POU4F1: variants seen among roughly 807,000 people sequenced by gnomAD.
POU4F1 encodes the protein POU class 4 homeobox 1.
A neutral mutation model predicts 19.8 loss-of-function variants in POU4F1; 5 were observed. The observed-to-expected ratio is 0.25, with a 90% CI of 0.13 to 0.53. The LOEUF (loss-of-function observed/expected upper bound fraction) is 0.53. Ranked by LOEUF, POU4F1 falls within the 20% of genes least tolerant of loss-of-function variation. The pLI, the probability that POU4F1 is intolerant of heterozygous loss-of-function variation, is 0.96. For missense variants in POU4F1, 408 were observed against 511.6 expected (o/e 0.80, Z 1.95); for synonymous variants, 266 against 247.7 (o/e 1.07, Z -0.69).
chr13:78,603,513 C>T lies in POU4F1; in HGVS notation c.-187G>A, dbSNP rs145962700. On this transcript the variant is annotated 5_prime_UTR_variant, in exon 1 of 2. Transcript: ENST00000377208. ...GCGCTCCCTCTGACCGCGCAGAGCG[C>T]CGCGCGCCGGCCTCGCGGTCCCGCT... The T allele has an allele frequency of 0.027, 26,250 of 965,682 alleles. 551 individuals carry two copies. Among genetic ancestry groups the T allele is most frequent in the Non-Finnish European group, 0.031 (23,944 of 768,010 alleles). The allele number at this position is 965,682 out of a possible 1,614,324, so 59.8% of individuals were successfully genotyped here. A position where few individuals can be genotyped will look rare whatever the true frequency, so the allele number is the denominator to read the frequency against.
rs1015844835 is a variant in POU4F1, at chr13:78,602,288, G to A, written c.387C>T (p.Ala129=). 8.2e-7 allele frequency: 1 copy of A among 1,226,894 alleles called. No homozygotes were observed. The highest frequency in any genetic ancestry group is 1.6e-5 in the African/African-American group (1 of 63,890). The allele number at this position is 1,226,894 out of a possible 1,614,324, so 76.0% of individuals were successfully genotyped here. A position where few individuals can be genotyped will look rare whatever the true frequency, so the allele number is the denominator to read the frequency against. The change falls in exon 2 of 2, where the codon GCC becomes GCT. Residue 129 remains alanine (A), a synonymous_variant. Coordinates refer to ENST00000377208, the MANE Select transcript of POU4F1 (RefSeq NM_006237.4). ...HISSPSLALM[A]GAGGAGAAAG... Reference sequence around the variant, plus strand: ...CCGCCGCGCCCGCGCCGCCCGCGCCGGCCATGAGCGCGAGCGACGGCGAGG... The same window carrying A: ...CCGCCGCGCCCGCGCCGCCCGCGCCAGCCATGAGCGCGAGCGACGGCGAGG...
At position 78,602,188 on chromosome 13, in the gene POU4F1, G is replaced by GGCCGCCACCGCCGCCTCCCCCGGGGCC. The variant is rs1566267666; in HGVS notation, c.486_487insGGCCCCGGGGGAGGCGGCGGTGGCGGC (p.Gly162_Pro163insGlyProGlyGlyGlyGlyGlyGlyGly). The GGCCGCCACCGCCGCCTCCCCCGGGGCC allele has an allele frequency of 4.1e-5, 8 of 195,488 alleles. No homozygotes were observed. Among genetic ancestry groups the GGCCGCCACCGCCGCCTCCCCCGGGGCC allele is most frequent in the African/African-American group, 1.7e-4 (7 of 40,960 alleles). The allele number at this position is 195,488 out of a possible 1,614,324, so 12.1% of individuals were successfully genotyped here. A position where few individuals can be genotyped will look rare whatever the true frequency, so the allele number is the denominator to read the frequency against. On this transcript the variant is annotated inframe_insertion, in exon 2 of 2. Coordinates refer to ENST00000377208, the MANE Select transcript of POU4F1 (RefSeq NM_006237.4). ...GGGCCGCCACCGCCGCCTCCCCCGG[G>GGCCGCCACCGCCGCCTCCCCCGGGGCC]GCCGCCGCCCGGGCCGCCGCCGCCG...
intron 1 of POU4F1, 61 bp from the exon 2 acceptor site, chr13:78,602,612 C>T: frequency 1.5e-6 from 2 of 1,362,504 alleles, no homozygotes; most frequent in Non-Finnish European, 1.9e-6. Context: ...AACAAAACAA[C>T]AGAAGAAACA....
At position 78,602,283 on chromosome 13, in the gene POU4F1, G is replaced by A. The variant is rs1874744818; in HGVS notation, c.392C>T (p.Ala131Val). Residue 131 changes from alanine (A) to valine (V), a missense_variant, in exon 2 of 2, where the codon GCG (alanine) becomes GTG (valine). By Grantham distance (64) the Ala-to-Val change is moderately conservative. Around this residue, in one of 4 missense-constraint regions of POU4F1, gnomAD observed 294 missense variants for 288.2 expected, o/e 1.02. Coordinates refer to ENST00000377208, the MANE Select transcript of POU4F1 (RefSeq NM_006237.4). Reference protein sequence around the residue: ...SSPSLALMAGAGGAGAAAGGG... With the variant: ...SSPSLALMAGVGGAGAAAGGG... ...GCCGGCCGCCGCGCCCGCGCCGCCC[G>A]CGCCGGCCATGAGCGCGAGCGACGG... 1.6e-6 allele frequency: 2 copies of A among 1,216,200 alleles called. No homozygotes were observed. Among genetic ancestry groups the A allele is most frequent in the Non-Finnish European group, 2.0e-6 (2 of 978,362 alleles). The allele number at this position is 1,216,200 out of a possible 1,614,324, so 75.3% of individuals were successfully genotyped here. A position where few individuals can be genotyped will look rare whatever the true frequency, so the allele number is the denominator to read the frequency against.
In POU4F1 at chr13:78,601,671, T is replaced by C; in HGVS notation, c.1004A>G (p.Glu335Gly). ...LKPILQAWLEEAEGAQREKMN... is the reference protein window; with the variant it reads ...LKPILQAWLEGAEGAQREKMN... ...TTTCTCGCGCTGGGCGCCCTCGGCC[T>C]CCTCGAGCCACGCCTGCAGGATGGG... Residue 335 changes from glutamate (E) to glycine (G), a missense_variant, in exon 2 of 2, where the codon GAG (glutamate) becomes GGG (glycine). By Grantham distance (98) the Glu-to-Gly change is moderately conservative (BLOSUM62 -2). Coordinates refer to ENST00000377208, the MANE Select transcript of POU4F1 (RefSeq NM_006237.4). The C allele has an allele frequency of 6.2e-7, 1 of 1,613,764 alleles. No individual in the cohort carries two copies. Among genetic ancestry groups the C allele is most frequent in the Non-Finnish European group, 8.5e-7 (1 of 1,179,964 alleles).
chr13:78,600,054 G>C lies in POU4F1; in HGVS notation c.*1361C>G, dbSNP rs1039188098. Reference sequence around the variant, plus strand: ...GACCTCTTTGAAACAAATGGGGGTGGGGGCACTTTAAATCTGTCTTCCTCT... The same window carrying C: ...GACCTCTTTGAAACAAATGGGGGTGCGGGCACTTTAAATCTGTCTTCCTCT... On this transcript the variant is annotated 3_prime_UTR_variant, in exon 2 of 2. Coordinates refer to ENST00000377208, the MANE Select transcript of POU4F1 (RefSeq NM_006237.4). 6.6e-6 allele frequency: 1 copy of C among 152,280 alleles called. No individual in the cohort carries two copies. Among genetic ancestry groups the C allele is most frequent in the Non-Finnish European group, 1.5e-5 (1 of 68,048 alleles). The allele number at this position is 152,280 out of a possible 1,614,324, so 9.4% of individuals were successfully genotyped here.
Position 78,599,050 on chromosome 13 carries a change from C to A in POU4F1, c.*2365G>T, listed in dbSNP as rs1477031322. On this transcript the variant is annotated 3_prime_UTR_variant, in exon 2 of 2. Coordinates refer to ENST00000377208, the MANE Select transcript of POU4F1 (RefSeq NM_006237.4). ...ATTCTCAATCTCTCCCCTTTTTGTCCCCCTTCAACACCCTACCCTCCCCCC... is the reference window on the plus strand; with the variant it reads ...ATTCTCAATCTCTCCCCTTTTTGTCACCCTTCAACACCCTACCCTCCCCCC... 2.0e-5 allele frequency: 3 copies of A among 151,704 alleles called. No individual in the cohort carries two copies. The allele number at this position is 151,704 out of a possible 1,614,324, so 9.4% of individuals were successfully genotyped here.
Position 78,600,345 on chromosome 13 carries a change from G to A in POU4F1, c.*1070C>T, listed in dbSNP as rs1874644043. The stretch of plus-strand genomic sequence containing the variant: ...GATAAAACTGAAAGGGCAAGTTAAA[G>A]TTCTATGAGTGGGAAAAGCTTATTT... On this transcript the variant is annotated 3_prime_UTR_variant, in exon 2 of 2. Coordinates refer to ENST00000377208, the MANE Select transcript of POU4F1 (RefSeq NM_006237.4). 1 of 152,122 alleles carries A rather than the reference G, an allele frequency of 6.6e-6. No homozygotes were observed. The highest frequency in any genetic ancestry group is 1.5e-5 in the Non-Finnish European group (1 of 68,024). 9.4% of individuals were successfully genotyped at this position (152,122 alleles called of 1,614,324 possible). A position where few individuals can be genotyped will look rare whatever the true frequency, so the allele number is the denominator to read the frequency against.
In POU4F1 at chr13:78,602,248, CGCCGCCGCCGCCG is replaced by C; in HGVS notation, c.414_426del (p.Gly139ProfsTer66). On this transcript the variant is annotated frameshift_variant, in exon 2 of 2. Coordinates refer to ENST00000377208, the MANE Select transcript of POU4F1 (RefSeq NM_006237.4). LOFTEE classifies it high-confidence loss of function. ...CCACCGCCCCCCGGGCCGTCGTGGG[CGCCGCCGCCGCCG>C]GCCGCCGCGCCCGCGCCGCCCGCGC... 1 of 979,900 alleles carries C rather than the reference CGCCGCCGCCGCCG, an allele frequency of 1.0e-6. No individual in the cohort carries two copies. The highest frequency in any genetic ancestry group is 1.2e-6 in the Non-Finnish European group (1 of 827,660). 60.7% of individuals were successfully genotyped at this position (979,900 alleles called of 1,614,324 possible).
chr13:78,602,129 G>A lies in POU4F1; in HGVS notation c.546C>T (p.Leu182=), dbSNP rs1331583251. The A allele has an allele frequency of 3.3e-5, 6 of 179,478 alleles. No homozygotes were observed. The South Asian group carries it at 6.4e-4, about 19-fold the overall frequency. 11.1% of individuals were successfully genotyped at this position (179,478 alleles called of 1,614,324 possible). Residue 182 remains leucine (L), a synonymous_variant, in exon 2 of 2, where the codon CTC becomes CTT. Coordinates refer to ENST00000377208, the MANE Select transcript of POU4F1 (RefSeq NM_006237.4). ...GGTGAGGGTGCGCGGAGCCGCCCAG[G>A]AGCCCGCCGCCCGGGCCGCCGCCGC... The part of the protein sequence containing the change: ...GGGGGGPGGG[L]LGGSAHPHPH...
At position 78,601,564 on chromosome 13, in the gene POU4F1, C is replaced by G; in HGVS notation, c.1111G>C (p.Glu371Gln). 1.9e-6 allele frequency: 3 copies of G among 1,613,896 alleles called. No individual in the cohort carries two copies. In the South Asian group the frequency reaches 3.3e-5, roughly 18 times the overall value. Reference sequence around the variant, plus strand: ...CGGGGCTGCACGGCGAAGTAGGCCTCGAGGGAGCGCTTCTCGGGCGCGGCG... The same window carrying G: ...CGGGGCTGCACGGCGAAGTAGGCCTGGAGGGAGCGCTTCTCGGGCGCGGCG... ...SIAAPEKRSL[E>Q]AYFAVQPRPS... Residue 371 changes from glutamate (E) to glutamine (Q), a missense_variant, in exon 2 of 2, where the codon GAG becomes CAG. Coordinates refer to ENST00000377208, the MANE Select transcript of POU4F1 (RefSeq NM_006237.4).
Position 78,601,571 on chromosome 13 carries a change from G to A in POU4F1, c.1104C>T (p.Arg368=), listed in dbSNP as rs1318325630. The A allele has an allele frequency of 3.1e-6, 5 of 1,613,940 alleles. 1 individual carries two copies. Among genetic ancestry groups the A allele is most frequent in the East Asian group, 2.2e-5 (1 of 44,844 alleles). ...GCACGGCGAAGTAGGCCTCGAGGGA[G>A]CGCTTCTCGGGCGCGGCGATGGAAG... ...KRTSIAAPEK[R]SLEAYFAVQP... The change falls in exon 2 of 2, where the codon CGC becomes CGT. Residue 368 remains arginine, a synonymous_variant. Coordinates refer to ENST00000377208, the MANE Select transcript of POU4F1 (RefSeq NM_006237.4).
chr13:78,602,013 G>A lies in POU4F1; in HGVS notation c.662C>T (p.Ala221Val), dbSNP rs1874718955. The part of the protein sequence containing the change: ...PSGLPHPGLV[A>V]AAAHHGAAAA... Reference sequence around the variant, plus strand: ...TGCCGCGCCGTGGTGCGCCGCCGCCGCCACCAGCCCGGGGTGCGGCAGCCC... The same window carrying A: ...TGCCGCGCCGTGGTGCGCCGCCGCCACCACCAGCCCGGGGTGCGGCAGCCC... Residue 221 changes from alanine to valine, a missense_variant, in exon 2 of 2, where the codon GCG (alanine) becomes GTG (valine). Physicochemically the swap from Ala to Val is moderately conservative, Grantham distance 64. This residue lies in a region of POU4F1 where 294 missense variants were observed against 288.2 expected (regional missense o/e 1.02). Coordinates refer to ENST00000377208, the MANE Select transcript of POU4F1 (RefSeq NM_006237.4). 5 of 846,044 alleles carry A rather than the reference G, an allele frequency of 5.9e-6. No individual in the cohort carries two copies. In the South Asian group the frequency reaches 2.6e-4, roughly 44 times the overall value. The allele number at this position is 846,044 out of a possible 1,614,324, so 52.4% of individuals were successfully genotyped here.
At position 78,602,075 on chromosome 13, in the gene POU4F1, C is replaced by T; in HGVS notation, c.600G>A (p.Ser200=). 1 of 327,810 alleles carries T rather than the reference C, an allele frequency of 3.1e-6. No homozygotes were observed. Among genetic ancestry groups the T allele is most frequent in the Non-Finnish European group, 4.3e-6 (1 of 230,848 alleles). 20.3% of individuals were successfully genotyped at this position (327,810 alleles called of 1,614,324 possible). ...HPHMHSLGHL[S]HPAAAAAMNM... is the part of the protein sequence containing the mutation. ...TCATGGCGGCCGCCGCCGCGGGGTG[C>T]GACAGGTGGCCCAGGCTGTGCATAT... The change falls in exon 2 of 2, where the codon TCG becomes TCA. Residue 200 remains serine, a synonymous_variant. Coordinates refer to ENST00000377208, the MANE Select transcript of POU4F1 (RefSeq NM_006237.4).
rs1298608944 is a variant in POU4F1 at position 78,603,398 on chromosome 13, G to C, written c.-72C>G. 9 of 1,510,872 alleles carry C rather than the reference G, an allele frequency of 6.0e-6. No homozygotes were observed. The highest frequency in any genetic ancestry group is 6.2e-6 in the Non-Finnish European group (7 of 1,126,880). 93.6% of individuals were successfully genotyped at this position (1,510,872 alleles called of 1,614,324 possible). ...GGAAAGTGCGTACGCCGGCTCACCC[G>C]GCCTCCCTTCGGAGGCTGCAGCCGC... On this transcript the variant is annotated 5_prime_UTR_variant, in exon 1 of 2. Coordinates refer to ENST00000377208, the MANE Select transcript of POU4F1 (RefSeq NM_006237.4).
rs1481097492 is a variant in POU4F1, at chr13:78,601,718, G to A, written c.957C>T (p.His319=). 2 of 1,613,928 alleles carry A rather than the reference G, an allele frequency of 1.2e-6. No individual in the cohort carries two copies. Among genetic ancestry groups the A allele is most frequent in the South Asian group, 2.2e-5 (2 of 91,062 alleles). The change falls in exon 2 of 2, where the codon CAC becomes CAT. Residue 319 remains histidine, a synonymous_variant. Coordinates refer to ENST00000377208, the MANE Select transcript of POU4F1 (RefSeq NM_006237.4). ...ICRFESLTLS[H]NNMIALKPIL... ...TGGGCTTGAGCGCGATCATGTTGTT[G>A]TGCGAGAGCGTGAGCGACTCGAACC...
chr13:78,598,656 T>C lies in POU4F1; in HGVS notation c.*2759A>G, dbSNP rs1566265862. ...AACTTTGTACATTTGGCATCTGATC[T>C]AGTCCCAAGTCACCAAGAAATAGAG... On this transcript the variant is annotated 3_prime_UTR_variant, in exon 2 of 2. Transcript: ENST00000377208. 1 of 152,240 alleles carries C rather than the reference T, an allele frequency of 6.6e-6. No homozygotes were observed. Among genetic ancestry groups the C allele is most frequent in the South Asian group, 2.1e-4 (1 of 4,836 alleles). The allele number at this position is 152,240 out of a possible 1,614,324, so 9.4% of individuals were successfully genotyped here.
intron 1 of POU4F1, 32 bp from the exon 2 acceptor site, chr13:78,602,583 C>A: frequency 2.8e-6 from 4 of 1,405,608 alleles, no homozygotes; most frequent in Middle Eastern, 3.7e-4. Flanking sequence ...CCAAAAAAAC[C>A]ACAAAACCAA....
Position 78,601,198 on chromosome 13 carries a change from T to A in POU4F1, c.*217A>T. 5 of 290,498 alleles carry A rather than the reference T, an allele frequency of 1.7e-5. No homozygotes were observed. The highest frequency in any genetic ancestry group is 1.1e-4 in the East Asian group (1 of 9,024). The allele number at this position is 290,498 out of a possible 1,614,324, so 18.0% of individuals were successfully genotyped here. ...CCCCCCCTTCTCCCCTACCCTATAC[T>A]CCAATCCCCACACCCAGCACCCCAG... is the stretch of plus-strand genomic sequence containing the variant. On this transcript the variant is annotated 3_prime_UTR_variant, in exon 2 of 2. Transcript: ENST00000377208.
Sources: gnomAD v4.1 joint callset for allele counts on GRCh38, gnomAD v4.1.1 for gene constraint, gnomAD v4.1.1 regional missense constraint, MANE v1.5 for transcripts, NCBI Gene and HGNC (gene_info 2026-07-23, HGNC 2026-07-21) for gene names.